MIER2: variants seen among roughly 807,000 people sequenced by gnomAD.
MIER2 encodes MIER family member 2, also known as mesoderm induction early response protein 2.
A neutral mutation model predicts 67.6 loss-of-function variants in MIER2; 30 were observed. The ratio of observed to expected loss-of-function variants is 0.44; its 90% CI spans 0.33 to 0.60. MIER2 has a LOEUF of 0.60. MIER2 is among the 20% of genes least tolerant of loss of function. MIER2 has a pLI of 0.02. For missense variants in MIER2, 702 were observed against 745.1 expected, an observed-to-expected ratio of 0.94 and a Z score of 0.67; for synonymous variants, 372 against 312.6, an observed-to-expected ratio of 1.19 and a Z score of -2.00.
chr19:310,007 C>T (rs1003223776), intron 10 of MIER2, among the ~76,000 whole-genome samples: 32 of 143,990 alleles, frequency 2.2e-4, no homozygotes, highest in African/African-American at 7.7e-4. Context: ...CACACACACA[C>T]GCACACAAGG....
intron 7 of MIER2, among the ~76,000 whole-genome samples, chr19:317,651 A>G (rs1280982628): frequency 6.6e-6 from 1 of 150,378 alleles, no homozygotes; most frequent in Non-Finnish European, 1.5e-5. Flanking sequence ...AATCACTTGA[A>G]CCCGGGAGGT....
Position 306,492 on chromosome 19 carries a change from C to T in MIER2, c.*198G>A, listed in dbSNP as rs1050913754. Reference sequence around the variant, plus strand: ...GGGCGCTGACGGCGCTGGGTGGGGCCGTGGGTCCATTCTGTGTGGACAGGG... The same window carrying T: ...GGGCGCTGACGGCGCTGGGTGGGGCTGTGGGTCCATTCTGTGTGGACAGGG... On this transcript the variant is annotated 3_prime_UTR_variant, in exon 14 of 14. Transcript: ENST00000264819. The T allele has an allele frequency of 8.3e-6, 6 of 726,158 alleles. No individual in the cohort carries two copies. Among genetic ancestry groups the T allele is most frequent in the African/African-American group, 5.3e-5 (3 of 56,134 alleles). 45.0% of individuals were successfully genotyped at this position (726,158 alleles called of 1,614,324 possible). A position where few individuals can be genotyped will look rare whatever the true frequency, so the allele number is the denominator to read the frequency against.
intron 7 of MIER2, among the ~76,000 whole-genome samples, chr19:322,153 C>T (rs868755016): frequency 4.6e-5 from 7 of 152,248 alleles, no homozygotes; most frequent in Middle Eastern, 3.4e-3. Flanking sequence ...TATCCTCCCA[C>T]CTCGGCCTCC....
At position 308,199 on chromosome 19, in the gene MIER2, G is replaced by C. The variant is rs568065215; in HGVS notation, c.1198+378C>G. ...ATGGCCTCAGGTGCAAGATCCTGGC[G>C]ACGGCTCCGGACACCCTGTCCTTCC... On this transcript the variant is annotated intron_variant, in intron 12 of 13. Coordinates refer to ENST00000264819, the MANE Select transcript of MIER2 (RefSeq NM_017550.3). The surrounding 1 kb of genome is among the most constrained non-coding windows in gnomAD (Gnocchi z 9.1). Among the ~76,000 whole-genome samples, 2 of 152,294 alleles carry C rather than the reference G, an allele frequency of 1.3e-5. No homozygotes were observed. Among genetic ancestry groups the C allele is most frequent in the East Asian group, 3.9e-4 (2 of 5,176 alleles).
intron 7 of MIER2, among the ~76,000 whole-genome samples, chr19:323,989 C>A (rs1471586433): frequency 3.4e-4 from 45 of 132,254 alleles, no homozygotes; most frequent in East Asian, 1.3e-3. Context: ...ACGTCATCAC[C>A]ATGCAACACA....
At chr19:336,770 G>T (rs1001091300) in intron 1 of MIER2, among the ~76,000 whole-genome samples, 3 of 152,072 alleles carry the variant, frequency 2.0e-5, no homozygotes, top group Non-Finnish European at 4.4e-5. Flanking sequence ...ATATTTTATG[G>T]TTTGTCAATT....
chr19:314,192 G>A (rs924393710), intron 7 of MIER2, among the ~76,000 whole-genome samples: 10 of 152,344 alleles, frequency 6.6e-5, no homozygotes, highest in African/African-American at 2.2e-4. Context: ...CTAACCCTGG[G>A]AGCTGAAGAG....
intron 7 of MIER2, among the ~76,000 whole-genome samples, chr19:316,947 C>T (rs369436006): frequency 5.7e-4 from 86 of 151,990 alleles, no homozygotes; most frequent in Middle Eastern, 6.8e-3. Context: ...CCAGCCTGGG[C>T]GACAGAACAA....
chr19:344,154 G>C, intron 1 of MIER2: 1 of 985,434 alleles, frequency 1.0e-6, no homozygotes, highest in Non-Finnish European at 1.2e-6. Flanking sequence ...CAACTCTTCT[G>C]AGATCAGCCC....
Position 306,469 on chromosome 19 carries a change from G to A in MIER2, c.*221C>T. 1 of 648,144 alleles carries A rather than the reference G, an allele frequency of 1.5e-6. No homozygotes were observed. Among genetic ancestry groups the A allele is most frequent in the South Asian group, 2.0e-5 (1 of 51,210 alleles). The allele number at this position is 648,144 out of a possible 1,614,324, so 40.1% of individuals were successfully genotyped here. On this transcript the variant is annotated 3_prime_UTR_variant, in exon 14 of 14. Coordinates refer to ENST00000264819, the MANE Select transcript of MIER2 (RefSeq NM_017550.3). ...GCCCGGACCCGGGTGGCAGTGCCGG[G>A]CGCTGACGGCGCTGGGTGGGGCCGT...
intron 7 of MIER2, among the ~76,000 whole-genome samples, chr19:315,762 A>G (rs755559755): frequency 1.3e-5 from 2 of 152,264 alleles, no homozygotes; most frequent in Non-Finnish European, 2.9e-5. Context: ...GAAAGCAAAG[A>G]AGGAGGCAGC....
At chr19:329,763 G>A (rs1041449415) in intron 3 of MIER2, among the ~76,000 whole-genome samples, 1 of 150,132 alleles carries the variant, frequency 6.7e-6, no homozygotes, top group Admixed American at 6.7e-5. Flanking sequence ...GTGGGTTCCT[G>A]TAATCCCAGG....
rs368642807 is a variant in MIER2 at position 314,518 on chromosome 19, C to T, written c.656-875G>A. On this transcript the variant is annotated intron_variant, in intron 7 of 13. Coordinates refer to ENST00000264819, the MANE Select transcript of MIER2 (RefSeq NM_017550.3). Reference sequence around the variant, plus strand: ...AGTGCACGGGAAGAAATGTGAAAAACGCACTGGGGAAAACAGCTCCACACG... The same window carrying T: ...AGTGCACGGGAAGAAATGTGAAAAATGCACTGGGGAAAACAGCTCCACACG... Among the ~76,000 whole-genome samples the T allele has an allele frequency of 5.3e-5, 8 of 152,262 alleles. No individual in the cohort carries two copies. In the South Asian group the frequency reaches 1.5e-3, roughly 28 times the overall value.
At position 327,998 on chromosome 19, in the gene MIER2, G is replaced by T. The variant is rs2305113; in HGVS notation, c.244-9C>A. 400,909 of 1,611,960 alleles carry T rather than the reference G, an allele frequency of 0.25. 56,389 individuals are homozygous for T. Among genetic ancestry groups the T allele is most frequent in the East Asian group, 0.62 (27,621 of 44,558 alleles). On this transcript the variant is annotated splice_polypyrimidine_tract_variant and intron_variant, in intron 3 of 13. Coordinates refer to ENST00000264819, the MANE Select transcript of MIER2 (RefSeq NM_017550.3). ...AAGGGCATGTCGTTGCTCTGAGTTG[G>T]GGAAGGGAACAAGGCCCCATCAGGA...
chr19:311,809 G>A, intron 10 of MIER2, 36 bp downstream of exon 10: 1 of 1,609,408 alleles, frequency 6.2e-7, no homozygotes, highest in East Asian at 2.2e-5. Context: ...CCCAGATCGA[G>A]AAGCCCCCGG....
intron 7 of MIER2, among the ~76,000 whole-genome samples, chr19:318,999 G>C (rs1273443633): frequency 6.7e-6 from 1 of 149,184 alleles, no homozygotes; most frequent in African/African-American, 2.5e-5. Flanking sequence ...GGAGCTTGCA[G>C]TGAACAGAGT....
intron 6 of MIER2, 66 bp from the exon 7 acceptor site, chr19:325,770 C>T (rs1215270691): frequency 1.3e-6 from 2 of 1,578,118 alleles, no homozygotes; most frequent in Non-Finnish European, 1.7e-6. Context: ...AGGCTGGCTG[C>T]AGCGTGCTGT....
intron 10 of MIER2, among the ~76,000 whole-genome samples, chr19:310,221 C>A (rs1321836150): frequency 6.6e-6 from 1 of 152,246 alleles, no homozygotes; most frequent in Non-Finnish European, 1.5e-5. Flanking sequence ...GCGGAAAAGA[C>A]CCCCTCACCT....
intron 1 of MIER2, chr19:344,407 G>A (rs2145588289): frequency 1.0e-6 from 1 of 983,414 alleles, no homozygotes; most frequent in Non-Finnish European, 1.2e-6. Context: ...CGGGGCCCGG[G>A]CCGGGGCCGG....
Sources: allele counts gnomAD v4.1 joint callset (sites outside exome capture counted in the v4.1 genomes callset), GRCh38; gene constraint gnomAD v4.1.1; non-coding constraint Gnocchi (gnomAD v3.1); transcripts MANE v1.5; gene names NCBI Gene and HGNC (gene_info 2026-07-23, HGNC 2026-07-21).